Variants in PPP3CA observed in about 807,000 individuals in gnomAD.
PPP3CA encodes CAM-PRP catalytic subunit.
PPP3CA carries 14 observed loss-of-function variants against 66.5 expected under a neutral mutation model. The observed-to-expected ratio is 0.21, with a 90% CI of 0.14 to 0.33. PPP3CA has a LOEUF of 0.33. Among genes scored for constraint, PPP3CA ranks in the 10% least tolerant of loss-of-function variants. PPP3CA has a pLI of 1.00. For missense variants in PPP3CA, 317 were observed against 639.5 expected (o/e 0.50, Z 5.44); for synonymous variants, 232 against 226.2 (o/e 1.03, Z -0.23).
At chr4:101,042,636 A>T (rs1364650233) in intron 10 of PPP3CA, among the ~76,000 whole-genome samples, 2 of 152,138 alleles carry the variant, frequency 1.3e-5, no homozygotes, top group Non-Finnish European at 2.9e-5. Context: ...GGGTGTGTGC[A>T]GGATCCCTAC....
intron 1 of PPP3CA, among the ~76,000 whole-genome samples, chr4:101,250,780 AT>A (rs1392138747): frequency 6.6e-6 from 1 of 152,048 alleles, no homozygotes; most frequent in Non-Finnish European, 1.5e-5. Context: ...CAACTATTAA[AT>A]TTTTAATAGG....
At chr4:101,201,238 C>T (rs1454244977) in intron 1 of PPP3CA, among the ~76,000 whole-genome samples, 3 of 152,162 alleles carry the variant, frequency 2.0e-5, no homozygotes, top group African/African-American at 7.2e-5. Flanking sequence ...ACCCTGCATC[C>T]TTCTAAGTAA....
At chr4:101,063,497 C>G (rs1357147816) in intron 8 of PPP3CA, 140 bp from the exon 9 acceptor site, 1 of 871,032 alleles carries the variant, frequency 1.1e-6, no homozygotes, top group African/African-American at 1.7e-5. Flanking sequence ...TCCCAGAATG[C>G]TTATACAACT....
chr4:101,124,545 G>A (rs568562279), intron 2 of PPP3CA, among the ~76,000 whole-genome samples: 3 of 151,882 alleles, frequency 2.0e-5, no homozygotes, highest in Non-Finnish European at 4.4e-5. Context: ...GGAGGCAGAG[G>A]TTGCAGTGAG....
intron 1 of PPP3CA, among the ~76,000 whole-genome samples, chr4:101,244,550 T>C (rs1188434039): frequency 6.6e-6 from 1 of 152,144 alleles, no homozygotes; most frequent in Non-Finnish European, 1.5e-5. Context: ...TAATGAGGAC[T>C]GACTAACAGC....
intron 2 of PPP3CA, among the ~76,000 whole-genome samples, chr4:101,192,317 C>G (rs923466952): frequency 2.6e-5 from 4 of 152,082 alleles, no homozygotes; most frequent in Non-Finnish European, 5.9e-5. Flanking sequence ...TCCTAATCAC[C>G]CCACTCTTAA....
chr4:101,027,770 G>A (rs1726727519), intron 13 of PPP3CA, among the ~76,000 whole-genome samples: 1 of 152,128 alleles, frequency 6.6e-6, no homozygotes, highest in Non-Finnish European at 1.5e-5. Context: ...AGCCAATAGG[G>A]TGGGAGTGTT....
chr4:101,228,844 G>A (rs990265517), intron 1 of PPP3CA, among the ~76,000 whole-genome samples: 19 of 151,632 alleles, frequency 1.3e-4, no homozygotes, highest in African/African-American at 3.9e-4. Context: ...AGATCTGGAA[G>A]TAAATACAAA....
intron 2 of PPP3CA, among the ~76,000 whole-genome samples, chr4:101,111,355 C>T (rs991967027): frequency 6.6e-6 from 1 of 152,114 alleles, no homozygotes; most frequent in Non-Finnish European, 1.5e-5. Flanking sequence ...ATGGGTGTGA[C>T]GCTGACACTT....
chr4:101,247,163 C>G (rs991688678), intron 1 of PPP3CA, among the ~76,000 whole-genome samples: 1 of 151,214 alleles, frequency 6.6e-6, no homozygotes, highest in Non-Finnish European at 1.5e-5. Context: ...TTTTCCTTTT[C>G]GTTTTTTCTT....
intron 6 of PPP3CA, among the ~76,000 whole-genome samples, chr4:101,092,716 T>C (rs963841307): frequency 3.3e-5 from 5 of 152,108 alleles, no homozygotes; most frequent in Admixed American, 3.3e-4. Flanking sequence ...TGATACTTTG[T>C]TGCATTGGGG....
intron 1 of PPP3CA, among the ~76,000 whole-genome samples, chr4:101,268,544 T>G (rs182593514): frequency 1.3e-5 from 2 of 152,178 alleles, no homozygotes; most frequent in East Asian, 3.9e-4. Context: ...AACCTGCAAC[T>G]CGGACAGTCA....
At chr4:101,104,724 T>A (rs1020262154) in intron 3 of PPP3CA, among the ~76,000 whole-genome samples, 1 of 152,208 alleles carries the variant, frequency 6.6e-6, no homozygotes, top group African/African-American at 2.4e-5. Context: ...TAAAAAATCC[T>A]TAAAGTATTT....
chr4:101,121,658 T>C (rs1210864564), intron 2 of PPP3CA, among the ~76,000 whole-genome samples: 9 of 152,132 alleles, frequency 5.9e-5, no homozygotes, highest in African/African-American at 2.4e-5. Context: ...TGCTGTGCCA[T>C]AGGTGTAATG....
At chr4:101,027,969 A>AACAAG (rs1287332773) in intron 13 of PPP3CA, among the ~76,000 whole-genome samples, 2 of 152,220 alleles carry the variant, frequency 1.3e-5, no homozygotes, top group Non-Finnish European at 2.9e-5. Flanking sequence ...CCAAACTATC[A>AACAAG]ACAAGAATGC....
intron 10 of PPP3CA, among the ~76,000 whole-genome samples, chr4:101,053,556 A>C (rs1728100629): frequency 6.6e-6 from 1 of 152,096 alleles, no homozygotes; most frequent in African/African-American, 2.4e-5. Context: ...GTTATTACTT[A>C]ATCCTATGCC....
At chr4:101,140,851 A>G (rs970427141) in intron 2 of PPP3CA, among the ~76,000 whole-genome samples, 1 of 152,198 alleles carries the variant, frequency 6.6e-6, no homozygotes, top group South Asian at 2.1e-4. Context: ...ACATGATTGA[A>G]TTTAACAGAA....
At chr4:101,055,176 T>C (rs150477588) in intron 10 of PPP3CA, among the ~76,000 whole-genome samples, 3 of 152,266 alleles carry the variant, frequency 2.0e-5, no homozygotes, top group African/African-American at 7.2e-5. Context: ...AGGTTGCTAA[T>C]GCTTACTGTT....
chr4:101,235,624 G>A (rs543241178), intron 1 of PPP3CA, among the ~76,000 whole-genome samples: 1 of 151,726 alleles, frequency 6.6e-6, no homozygotes, highest in Non-Finnish European at 1.5e-5. Flanking sequence ...CTAAAAGGTG[G>A]CTAGGCATAA....
Sources: allele counts gnomAD v4.1 joint callset (sites outside exome capture counted in the v4.1 genomes callset), GRCh38; gene constraint gnomAD v4.1.1; transcripts MANE v1.5; gene names NCBI Gene and HGNC (gene_info 2026-07-23, HGNC 2026-07-21).